The following TGFBRAP1 variants were observed in gnomAD, a reference collection of about 807,000 sequenced individuals.
TGFBRAP1 encodes the protein transforming growth factor beta receptor associated protein 1.
A neutral mutation model predicts 83.2 loss-of-function variants in TGFBRAP1; 20 were observed. The observed-to-expected ratio is 0.24, with a 90% confidence interval of 0.17 to 0.35. TGFBRAP1 has a LOEUF of 0.35. TGFBRAP1 is among the 10% of genes least tolerant of loss of function. The probability of loss-of-function intolerance (pLI) is 1.00; values close to 1 mark genes in which losing one functional copy is unlikely to be tolerated. For synonymous variants in TGFBRAP1, 415 were observed against 459.8 expected (o/e 0.90, Z 1.25); for missense variants, 950 against 1,099.4 (o/e 0.86, Z 1.92).
intron 1 of TGFBRAP1, among the ~76,000 whole-genome samples, chr2:105,322,917 G>T (rs1051334284): frequency 6.6e-6 from 1 of 152,156 alleles, no homozygotes; most frequent in Non-Finnish European, 1.5e-5. Flanking sequence ...TGAGACGGAT[G>T]GGGGGCAGAC....
At chr2:105,285,822 C>A (rs1296784626) in intron 4 of TGFBRAP1, among the ~76,000 whole-genome samples, 1 of 152,176 alleles carries the variant, frequency 6.6e-6, no homozygotes, top group Non-Finnish European at 1.5e-5. Flanking sequence ...TTTCCCTTTA[C>A]CATCAGTCTT....
chr2:105,308,579 C>T (rs961796512), intron 1 of TGFBRAP1, among the ~76,000 whole-genome samples: 1 of 152,124 alleles, frequency 6.6e-6, no homozygotes, highest in African/African-American at 2.4e-5. Flanking sequence ...TGCCATCCTG[C>T]TCAGTCCCCA....
chr2:105,291,999 G>A (rs1227285963), intron 4 of TGFBRAP1, among the ~76,000 whole-genome samples: 1 of 152,190 alleles, frequency 6.6e-6, no homozygotes, highest in African/African-American at 2.4e-5. Context: ...AAGATGAGTG[G>A]AGGATTTTGT....
At chr2:105,261,291 G>A (rs376897574), downstream of TGFBRAP1, among the ~76,000 whole-genome samples, 19 of 152,156 alleles carry the variant, frequency 1.2e-4, no homozygotes, top group African/African-American at 2.2e-4. Flanking sequence ...AGCACGTAGC[G>A]TCATCTTAGC....
chr2:105,316,460 T>TGCGC (rs1247975846), intron 1 of TGFBRAP1, among the ~76,000 whole-genome samples: 41 of 66,928 alleles, frequency 6.1e-4, no homozygotes, highest in African/African-American at 8.9e-4. Context: ...TGTGTGTGTG[T>TGCGC]GTGCGCGCGC....
intron 6 of TGFBRAP1, among the ~76,000 whole-genome samples, chr2:105,279,657 A>T (rs1677464733): frequency 7.4e-6 from 1 of 135,184 alleles, no homozygotes; most frequent in Non-Finnish European, 1.7e-5. Context: ...TTCAGTTGTC[A>T]GTAACTAAAA....
At chr2:105,290,616 A>AGTGTGTGTGTGTGT (rs3060065) in intron 4 of TGFBRAP1, among the ~76,000 whole-genome samples, 58 of 140,094 alleles carry the variant, frequency 4.1e-4, no homozygotes, top group African/African-American at 5.6e-4. Flanking sequence ...ACAGAGAGAC[A>AGTGTGTGTGTGTGT]GTGTGTGTGT....
At chr2:105,261,859 C>T (rs1676795315), downstream of TGFBRAP1, among the ~76,000 whole-genome samples, 1 of 152,152 alleles carries the variant, frequency 6.6e-6, no homozygotes, top group African/African-American at 2.4e-5. Flanking sequence ...TCTCCTGGGT[C>T]CAGCTGGAAC....
intron 1 of TGFBRAP1, among the ~76,000 whole-genome samples, chr2:105,312,310 A>G (rs1471004719): frequency 6.6e-6 from 1 of 152,202 alleles, no homozygotes. Flanking sequence ...TTTAAAAAAA[A>G]TAAGAATATT....
At chr2:105,272,719 C>A (rs769617243) in intron 10 of TGFBRAP1, 136 bp downstream of exon 10, 9 of 1,193,028 alleles carry the variant, frequency 7.5e-6, no homozygotes, top group Non-Finnish European at 1.0e-5. Context: ...TTAAAAAAAT[C>A]TTTTTAAAAA....
At chr2:105,320,255 T>C (rs1282383128) in intron 1 of TGFBRAP1, among the ~76,000 whole-genome samples, 1 of 152,188 alleles carries the variant, frequency 6.6e-6, no homozygotes, top group African/African-American at 2.4e-5. Flanking sequence ...TTCATCACCC[T>C]GGGGGAGGAA....
chr2:105,319,937 A>T lies in TGFBRAP1; in HGVS notation c.-18+9688T>A, dbSNP rs184887896. On this transcript the variant is annotated intron_variant, in intron 1 of 11. Transcript: ENST00000393359. Reference sequence around the variant, plus strand: ...ATACATACATACATGTTATATACACACATACATACACACACACACACAATA... The same window carrying T: ...ATACATACATACATGTTATATACACTCATACATACACACACACACACAATA... 4.9e-4 allele frequency among the ~76,000 whole-genome samples: 74 copies of T among 151,852 alleles called. No homozygotes were observed. In the Middle Eastern group the frequency reaches 0.01, roughly 21 times the overall value.
At chr2:105,257,672 T>C in the TGFBRAP1 span, among the ~76,000 whole-genome samples, 4 of 152,266 alleles carry the variant, frequency 2.6e-5, no homozygotes, top group South Asian at 8.3e-4. Context: ...GTTATGTGCA[T>C]AGACTATTTG....
At chr2:105,325,459 G>T (rs983839343) in intron 1 of TGFBRAP1, among the ~76,000 whole-genome samples, 1 of 152,156 alleles carries the variant, frequency 6.6e-6, no homozygotes, top group South Asian at 2.1e-4. Context: ...CCTAGTTTTT[G>T]TTCGTGACTC....
intron 1 of TGFBRAP1, among the ~76,000 whole-genome samples, chr2:105,316,462 T>TGTGTGTGCGCGCGCGCGC (rs1177329674): frequency 1.2e-5 from 1 of 84,816 alleles, no homozygotes; most frequent in African/African-American, 5.4e-5. Flanking sequence ...TGTGTGTGTG[T>TGTGTGTGCGCGCGCGCGC]GCGCGCGCGC....
intron 1 of TGFBRAP1, among the ~76,000 whole-genome samples, chr2:105,321,889 T>C (rs1679078940): frequency 6.6e-6 from 1 of 152,242 alleles, no homozygotes; most frequent in Non-Finnish European, 1.5e-5. Context: ...AATAAATGAC[T>C]ATGTTACTGG....
intron 2 of TGFBRAP1, among the ~76,000 whole-genome samples, chr2:105,302,796 A>G (rs755247359): frequency 2.9e-4 from 44 of 152,216 alleles, no homozygotes; most frequent in Non-Finnish European, 5.1e-4. Context: ...CTAAAAATCA[A>G]AAGTAAAATG....
chr2:105,317,078 T>C (rs1678908489), intron 1 of TGFBRAP1, among the ~76,000 whole-genome samples: 3 of 152,178 alleles, frequency 2.0e-5, no homozygotes, highest in South Asian at 4.1e-4. Flanking sequence ...CAGTAAACAG[T>C]ACTTGTATGT....
intron 1 of TGFBRAP1, among the ~76,000 whole-genome samples, chr2:105,312,067 G>A (rs1678713605): frequency 6.6e-6 from 1 of 152,138 alleles, no homozygotes; most frequent in Non-Finnish European, 1.5e-5. Context: ...CTGGGGTTCT[G>A]AATCAGAGAA....
Sources: allele counts gnomAD v4.1 joint callset (sites outside exome capture counted in the v4.1 genomes callset), GRCh38; gene constraint gnomAD v4.1.1; transcripts MANE v1.5; gene names NCBI Gene and HGNC (gene_info 2026-07-23, HGNC 2026-07-21).